Variants in THSD7B observed in about 807,000 individuals in gnomAD.
THSD7B encodes thrombospondin type 1 domain containing 7B.
THSD7B carries 138 observed loss-of-function variants against 213.6 expected under a neutral mutation model. The ratio of observed to expected loss-of-function variants is 0.65; its 90% CI spans 0.56 to 0.74. The LOEUF is 0.74. THSD7B is among the 30% of genes least tolerant of loss of function. The pLI, the probability that THSD7B is intolerant of heterozygous loss-of-function variation, is 0.00. For synonymous variants in THSD7B, 742 were observed against 687.0 expected, an observed-to-expected ratio of 1.08 and a Z score of -1.25; for missense variants, 1,931 against 1,991.5, an observed-to-expected ratio of 0.97 and a Z score of 0.58.
At chr2:137,348,520 A>C (rs1417441069) in intron 12 of THSD7B, among the ~76,000 whole-genome samples, 3 of 151,648 alleles carry the variant, frequency 2.0e-5, no homozygotes, top group Non-Finnish European at 4.4e-5. Context: ...GCACCAGCCC[A>C]TGCTTTATGA....
At chr2:137,375,231 G>A (rs548927886) in intron 12 of THSD7B, among the ~76,000 whole-genome samples, 7 of 152,174 alleles carry the variant, frequency 4.6e-5, no homozygotes, top group East Asian at 1.9e-4. Flanking sequence ...GTTATAACTC[G>A]TGAGACATTG....
At chr2:136,772,608 A>C (rs1681527186) in intron 1 of THSD7B, among the ~76,000 whole-genome samples, 1 of 152,158 alleles carries the variant, frequency 6.6e-6, no homozygotes, top group African/African-American at 2.4e-5. Context: ...CATAATGAAT[A>C]CAAAAAAGGG....
rs929266878 is a variant in THSD7B at position 137,507,222 on chromosome 2, C to T, written c.3139-55999C>T. 4.6e-5 allele frequency among the ~76,000 whole-genome samples: 7 copies of T among 152,304 alleles called. No homozygotes were observed. In the South Asian group the frequency reaches 8.3e-4, roughly 18 times the overall value. ...TCTCACTCCAGTGCCAGAAAGTAAC[C>T]TTCCGGCTTCTCTTCAAACCACAGA... On this transcript the variant is annotated intron_variant, in intron 15 of 27. Transcript: ENST00000409968.
chr2:137,324,795 G>C (rs1402158125), intron 12 of THSD7B, among the ~76,000 whole-genome samples: 4 of 152,164 alleles, frequency 2.6e-5, no homozygotes, highest in African/African-American at 9.7e-5. Context: ...TCAAAGATAG[G>C]ATCAAGAAGA....
chr2:136,967,969 A>G (rs34500345), intron 2 of THSD7B, among the ~76,000 whole-genome samples: 74,723 of 151,992 alleles, frequency 0.49, 19,312 homozygotes, highest in East Asian at 0.82. Context: ...TTATTGCTGT[A>G]TAGCCCTCTA....
intron 15 of THSD7B, among the ~76,000 whole-genome samples, chr2:137,554,943 C>T (rs1050639280): frequency 1.3e-5 from 2 of 152,208 alleles, no homozygotes; most frequent in African/African-American, 2.4e-5. Flanking sequence ...GAGCCCCGCT[C>T]ACTGCTAGCA....
intron 20 of THSD7B, among the ~76,000 whole-genome samples, chr2:137,629,666 CAGA>C (rs1682703097): frequency 6.6e-6 from 1 of 152,116 alleles, no homozygotes; most frequent in African/African-American, 2.4e-5. Flanking sequence ...AACCAAGGCA[CAGA>C]AGGACTAGGG....
At chr2:137,561,921 T>G (rs1412626880) in intron 15 of THSD7B, among the ~76,000 whole-genome samples, 1 of 152,178 alleles carries the variant, frequency 6.6e-6, no homozygotes, top group African/African-American at 2.4e-5. Flanking sequence ...TTTGTTACTT[T>G]GTGTTTTATC....
At chr2:137,267,538 C>T (rs987060384) in intron 10 of THSD7B, among the ~76,000 whole-genome samples, 1 of 151,330 alleles carries the variant, frequency 6.6e-6, no homozygotes, top group Non-Finnish European at 1.5e-5. Context: ...CCCTCTTTCC[C>T]TTCATCATAC....
At chr2:136,797,439 AAAG>A (rs912756705) in intron 1 of THSD7B, among the ~76,000 whole-genome samples, 71 of 152,156 alleles carry the variant, frequency 4.7e-4, no homozygotes, top group African/African-American at 1.6e-3. Flanking sequence ...GAATAAACTC[AAAG>A]AAGATGTCTG....
At chr2:136,862,946 C>T (rs141641229) in intron 1 of THSD7B, among the ~76,000 whole-genome samples, 5 of 152,280 alleles carry the variant, frequency 3.3e-5, no homozygotes, top group South Asian at 2.1e-4. Flanking sequence ...GAAGTTTTCA[C>T]GTTTCAGATC....
chr2:137,473,441 C>T (rs181090973), intron 15 of THSD7B, among the ~76,000 whole-genome samples: 1,819 of 152,154 alleles, frequency 0.012, 21 homozygotes, highest in Middle Eastern at 0.027. Context: ...ATCTCCTGAC[C>T]TCATGATCCG....
At chr2:137,261,299 A>G (rs1334358875) in intron 10 of THSD7B, among the ~76,000 whole-genome samples, 1 of 152,156 alleles carries the variant, frequency 6.6e-6, no homozygotes, top group Non-Finnish European at 1.5e-5. Flanking sequence ...TCAGTCTCAA[A>G]GGAAGTATAG....
intron 12 of THSD7B, among the ~76,000 whole-genome samples, chr2:137,349,758 A>G (rs1265615671): frequency 6.6e-6 from 1 of 151,668 alleles, no homozygotes; most frequent in African/African-American, 2.4e-5. Flanking sequence ...TGAGCCCATA[A>G]TTTTTCAAAA....
At chr2:137,027,852 A>G (rs1672091375) in intron 2 of THSD7B, among the ~76,000 whole-genome samples, 1 of 152,164 alleles carries the variant, frequency 6.6e-6, no homozygotes, top group South Asian at 2.1e-4. Flanking sequence ...TCTGGCACTC[A>G]TTGGCCTTGT....
At chr2:137,047,356 G>C (rs191886704) in intron 2 of THSD7B, among the ~76,000 whole-genome samples, 1 of 152,260 alleles carries the variant, frequency 6.6e-6, no homozygotes, top group East Asian at 1.9e-4. Context: ...GTTGATTCTC[G>C]ATAGAAAACA....
chr2:137,405,511 C>T (rs1007069709), intron 12 of THSD7B, 102 bp from the exon 13 acceptor site: 2 of 1,147,276 alleles, frequency 1.7e-6, no homozygotes, highest in African/African-American at 3.2e-5. Context: ...ATTTGTGAAG[C>T]CCAAGTTTTT....
chr2:136,831,212 T>C (rs143041218), intron 1 of THSD7B, among the ~76,000 whole-genome samples: 9 of 151,532 alleles, frequency 5.9e-5, no homozygotes, highest in East Asian at 2.0e-4. Context: ...AAAATTATAT[T>C]TCCTAACAGT....
At chr2:136,835,833 T>G (rs2104951185) in intron 1 of THSD7B, among the ~76,000 whole-genome samples, 1 of 152,326 alleles carries the variant, frequency 6.6e-6, no homozygotes. Flanking sequence ...GATAAAGGAC[T>G]GAATCTATCC....
Sources: allele counts gnomAD v4.1 joint callset (sites outside exome capture counted in the v4.1 genomes callset), GRCh38; gene constraint gnomAD v4.1.1; transcripts MANE v1.5; gene names NCBI Gene and HGNC (gene_info 2026-07-23, HGNC 2026-07-21).